Variants in ARID2 observed in about 807,000 individuals in gnomAD.
The protein encoded by ARID2 is AT-rich interaction domain 2, also known as AT-rich interactive domain-containing protein 2.
Under a neutral mutation model 184.6 loss-of-function variants are expected in ARID2, and 32 were observed. The ratio of observed to expected loss-of-function variants is 0.17; its 90% CI spans 0.13 to 0.23. The LOEUF is 0.23. Among genes scored for constraint, ARID2 ranks in the 10% least tolerant of loss-of-function variants. The pLI, the probability that ARID2 is intolerant of heterozygous loss-of-function variation, is 1.00. For synonymous variants in ARID2, 836 were observed against 772.6 expected (o/e 1.08, Z -1.36); for missense variants, 1,696 against 2,197.6 (o/e 0.77, Z 4.56).
Position 45,837,350 on chromosome 12 carries a change from T to C in ARID2, c.1053T>C (p.Thr351=). ...ELLLDPVDFK[T]THLMFHTVTK... ...TACTGGACCCTGTTGATTTCAAAAC[T>C]ACTCATCTGATGTTTCATACTGTTA... The change falls in exon 9 of 21, where the codon ACT becomes ACC. Residue 351 remains threonine (T), a synonymous_variant. Transcript: ENST00000334344. The C allele has an allele frequency of 6.2e-7, 1 of 1,611,064 alleles. No individual in the cohort carries two copies. Among genetic ancestry groups the C allele is most frequent in the East Asian group, 2.2e-5 (1 of 44,794 alleles).
intron 3 of ARID2, among the ~76,000 whole-genome samples, chr12:45,757,241 A>C (rs750559257): frequency 6.6e-6 from 1 of 152,186 alleles, no homozygotes; most frequent in Non-Finnish European, 1.5e-5. Context: ...CTGTACTTAA[A>C]TACTATTTGG....
intron 11 of ARID2, chr12:45,840,207 T>C (rs138053989): frequency 6.6e-6 from 1 of 152,274 alleles, no homozygotes; most frequent in East Asian, 1.9e-4. Flanking sequence ...ATATTTCATC[T>C]CACCTACCCT....
intron 3 of ARID2, among the ~76,000 whole-genome samples, chr12:45,756,282 C>G (rs1941569986): frequency 6.6e-6 from 1 of 152,146 alleles, no homozygotes; most frequent in South Asian, 2.1e-4. Flanking sequence ...GAAAAAGGGA[C>G]TGTTCAGGAA....
intron 3 of ARID2, among the ~76,000 whole-genome samples, chr12:45,797,622 A>G (rs1270670769): frequency 6.6e-6 from 1 of 151,120 alleles, no homozygotes; most frequent in African/African-American, 2.5e-5. Context: ...GCTCTTTAAT[A>G]TTATAAATAT....
At position 45,869,712 on chromosome 12, in the gene ARID2, G is replaced by A. The variant is rs561143664; in HGVS notation, c.4922+8763G>A. Among the ~76,000 whole-genome samples the A allele has an allele frequency of 2.1e-4, 32 of 151,846 alleles. No homozygotes were observed. In the South Asian group the frequency reaches 5.8e-3, roughly 28 times the overall value. On this transcript the variant is annotated intron_variant, in intron 16 of 20. Transcript: ENST00000334344. ...AGCCTGGCCAATATGGTGAAACCCC[G>A]TCTCTACTAAAAATGTGAACATTAG...
At chr12:45,787,640 A>C (rs1307167526) in intron 3 of ARID2, among the ~76,000 whole-genome samples, 1 of 152,162 alleles carries the variant, frequency 6.6e-6, no homozygotes, top group Non-Finnish European at 1.5e-5. Context: ...TAATGCCTTT[A>C]CTAATCTTAT....
Position 45,893,177 on chromosome 12 carries a change from T to A in ARID2, c.5148-243T>A, listed in dbSNP as rs1373083579. ...AGTAACTTTAAAGATGGAACATCTG[T>A]TTGCTTTAAAATTGATAGATTGGAA... On this transcript the variant is annotated intron_variant, in intron 18 of 20. Coordinates refer to ENST00000334344, the MANE Select transcript of ARID2 (RefSeq NM_152641.4). Among the ~76,000 whole-genome samples the A allele has an allele frequency of 5.3e-5, 8 of 152,210 alleles. No homozygotes were observed. In the East Asian group the frequency reaches 1.5e-3, roughly 29 times the overall value.
At chr12:45,849,000 C>T (rs750694905) in intron 13 of ARID2, 30 bp downstream of exon 13, 7 of 1,591,366 alleles carry the variant, frequency 4.4e-6, no homozygotes, top group Non-Finnish European at 5.1e-6. Context: ...AAATAAAGTC[C>T]ATTTACGTCA....
intron 3 of ARID2, among the ~76,000 whole-genome samples, chr12:45,739,597 GTCTT>G (rs1267575294): frequency 6.6e-6 from 1 of 151,606 alleles, no homozygotes; most frequent in African/African-American, 2.4e-5. Flanking sequence ...CATAATTCTG[GTCTT>G]TCTGAGTTCT....
intron 3 of ARID2, among the ~76,000 whole-genome samples, chr12:45,798,040 A>G (rs968008672): frequency 2.0e-5 from 3 of 152,130 alleles, no homozygotes; most frequent in African/African-American, 7.2e-5. Flanking sequence ...GCATATAGCT[A>G]ATCTTCTTTT....
intron 3 of ARID2, among the ~76,000 whole-genome samples, chr12:45,786,053 A>G (rs1391054187): frequency 6.6e-6 from 1 of 152,210 alleles, no homozygotes; most frequent in Non-Finnish European, 1.5e-5. Context: ...CCAATATTGA[A>G]TAGCTCTGTG....
intron 3 of ARID2, among the ~76,000 whole-genome samples, 164 bp from the exon 4 acceptor site, chr12:45,811,254 T>C (rs1228950667): frequency 6.6e-6 from 1 of 152,128 alleles, no homozygotes; most frequent in Admixed American, 6.6e-5. Context: ...CTGCGGTTTA[T>C]CTTACTCTAA....
intron 16 of ARID2, chr12:45,881,828 C>T (rs1555159579): frequency 9.0e-6 from 2 of 222,910 alleles, no homozygotes; most frequent in African/African-American, 2.3e-5. Flanking sequence ...CCTTTTTTTC[C>T]CTCTTGTGTT....
At chr12:45,839,003 C>G (rs1370720091) in intron 10 of ARID2, among the ~76,000 whole-genome samples, 1 of 151,050 alleles carries the variant, frequency 6.6e-6, no homozygotes, top group African/African-American at 2.4e-5. Context: ...GTAGCTGGGA[C>G]TACAGGCACC....
intron 3 of ARID2, among the ~76,000 whole-genome samples, chr12:45,805,695 T>C (rs1182332648): frequency 1.3e-5 from 2 of 152,104 alleles, no homozygotes; most frequent in African/African-American, 4.8e-5. Context: ...GGTATACATG[T>C]TTTGTGAAAT....
chr12:45,849,471 G>C, intron 13 of ARID2, 109 bp from the exon 14 acceptor site: 1 of 776,400 alleles, frequency 1.3e-6, no homozygotes, highest in South Asian at 2.5e-5. Flanking sequence ...GAGTCATACT[G>C]GTTCATACAT....
In ARID2 at chr12:45,837,523, C is replaced by T. The variant is rs960031547; in HGVS notation, c.1146C>T (p.Cys382=). The T allele has an allele frequency of 1.9e-6, 3 of 1,613,904 alleles. No homozygotes were observed. Among genetic ancestry groups the T allele is most frequent in the South Asian group, 1.1e-5 (1 of 91,068 alleles). Residue 382 remains cysteine (C), a synonymous_variant, in exon 10 of 21, where the codon TGC becomes TGT. Transcript: ENST00000334344. ...GCATGGAAATTTTGGGAAATCTTTG[C>T]AAAGCAGAAGATAATGGTGTTTTAA... is the stretch of plus-strand genomic sequence containing the variant. ...MRGMEILGNL[C]KAEDNGVLIC...
chr12:45,793,809 G>T (rs1331024564), intron 3 of ARID2, among the ~76,000 whole-genome samples: 2 of 148,020 alleles, frequency 1.4e-5, no homozygotes, highest in African/African-American at 5.0e-5. Flanking sequence ...ATCTTTTAGT[G>T]CAGGTCTGCT....
rs571882726 is a variant in ARID2 at position 45,854,004 on chromosome 12, C to T, written c.4773+1108C>T. Among the ~76,000 whole-genome samples, 29 of 152,282 alleles carry T rather than the reference C, an allele frequency of 1.9e-4. 1 individual carries two copies. Among genetic ancestry groups the T allele is most frequent in the Admixed American group, 5.2e-4 (8 of 15,284 alleles). ...AGCTTCATCTGTATTTACTTACAGC[C>T]GCTTCCCATCACTCACGTTATATCC... is the stretch of plus-strand genomic sequence containing the variant. On this transcript the variant is annotated intron_variant, in intron 15 of 20. Transcript: ENST00000334344.
Sources: allele counts gnomAD v4.1 joint callset (sites outside exome capture counted in the v4.1 genomes callset), GRCh38; gene constraint gnomAD v4.1.1; transcripts MANE v1.5; gene names NCBI Gene and HGNC (gene_info 2026-07-23, HGNC 2026-07-21).